Variants in MROH1 observed in about 807,000 individuals in gnomAD.
The protein encoded by MROH1 is maestro heat like repeat family member 1, also known as maestro heat-like repeat-containing protein family member 1.
In MROH1, 117 loss-of-function variants were observed where a neutral mutation model predicts 116.5. The observed-to-expected ratio is 1.00, with a 90% confidence interval of 0.86 to 1.17. MROH1 has a LOEUF of 1.17. MROH1 is among the 50% of genes most tolerant of loss of function. MROH1 has a pLI of 0.00. For synonymous variants in MROH1, 921 were observed against 583.9 expected (o/e 1.58, Z -8.32); for missense variants, 1,873 against 1,338.5 (o/e 1.40, Z -6.23).
At chr8:144,204,769 A>G (rs938393069) in intron 12 of MROH1, among the ~76,000 whole-genome samples, 1 of 152,214 alleles carries the variant, frequency 6.6e-6, no homozygotes. Context: ...TGAATTATCT[A>G]CTACAGTGAT....
At chr8:144,228,683 C>T (rs1418965401) in intron 14 of MROH1, among the ~76,000 whole-genome samples, 1 of 152,214 alleles carries the variant, frequency 6.6e-6, no homozygotes, top group Non-Finnish European at 1.5e-5. Flanking sequence ...AAGATGGTCG[C>T]AATCTCCTGA....
At chr8:144,155,859 G>A (rs994009387) in intron 1 of MROH1, among the ~76,000 whole-genome samples, 15 of 151,706 alleles carry the variant, frequency 9.9e-5, no homozygotes, top group African/African-American at 2.7e-4. Flanking sequence ...TCTCGAACTC[G>A]TGACCTCAAG....
intron 26 of MROH1, 136 bp from the exon 27 acceptor site, chr8:144,244,086 C>A: frequency 1.4e-6 from 1 of 701,082 alleles, no homozygotes. Flanking sequence ...TGTGCGCATG[C>A]TGCATGGGGT....
At position 144,258,901 on chromosome 8, in the gene MROH1, A is replaced by C; in HGVS notation, c.3916A>C (p.Thr1306Pro). 4 of 756,690 alleles carry C rather than the reference A, an allele frequency of 5.3e-6. No homozygotes were observed. The East Asian group carries it at 1.0e-4, about 19-fold the overall frequency. 46.9% of individuals were successfully genotyped at this position (756,690 alleles called of 1,614,324 possible). ...RTSAGHEEGA[T>P]RLARAMAEHA... ...CTCGGCGGGGCATGAGGAGGGGGCCACCAGGTTGGCCAGGTGAGCGGGCCC... is the reference window on the plus strand; with the variant it reads ...CTCGGCGGGGCATGAGGAGGGGGCCCCCAGGTTGGCCAGGTGAGCGGGCCC... Residue 1306 changes from threonine to proline, a missense_variant, in exon 36 of 44, where the codon ACC (threonine) becomes CCC (proline). Coordinates refer to ENST00000326134, the MANE Select transcript of MROH1 (RefSeq NM_032450.3).
intron 12 of MROH1, among the ~76,000 whole-genome samples, chr8:144,204,962 TA>T (rs1832504309): frequency 6.6e-6 from 1 of 152,232 alleles, no homozygotes; most frequent in Admixed American, 6.5e-5. Context: ...TAGCTGTTTA[TA>T]CCCCAATTTA....
intron 12 of MROH1, among the ~76,000 whole-genome samples, chr8:144,204,745 G>A (rs773830895): frequency 2.6e-5 from 4 of 152,112 alleles, no homozygotes; most frequent in African/African-American, 2.4e-5. Flanking sequence ...TTTCACTCCC[G>A]TGAAGGATTC....
chr8:144,258,511 C>G (rs1424600660), intron 35 of MROH1, among the ~76,000 whole-genome samples: 1 of 152,178 alleles, frequency 6.6e-6, no homozygotes, highest in Non-Finnish European at 1.5e-5. Context: ...TTGCCTGTGT[C>G]CAGCTCTCAG....
chr8:144,209,392 AAC>A (rs1272176095), intron 12 of MROH1, among the ~76,000 whole-genome samples: 1 of 151,626 alleles, frequency 6.6e-6, no homozygotes, highest in African/African-American at 2.4e-5. Flanking sequence ...CATCCTGGCT[AAC>A]ACAGTGAAAC....
At chr8:144,243,762 C>T in intron 25 of MROH1, 101 bp from the exon 26 acceptor site, 1 of 739,416 alleles carries the variant, frequency 1.4e-6, no homozygotes, top group South Asian at 1.4e-5. Context: ...GGGCTCTGCT[C>T]CTCGGGCCCC....
intron 34 of MROH1, 138 bp from the exon 35 acceptor site, chr8:144,255,371 C>T (rs939688727): frequency 7.5e-6 from 5 of 667,040 alleles, no homozygotes; most frequent in Non-Finnish European, 1.4e-5. Flanking sequence ...TGCGCCTCGC[C>T]CTTCCTGCGC....
intron 12 of MROH1, among the ~76,000 whole-genome samples, chr8:144,215,430 CAG>C (rs1451251264): frequency 1.3e-5 from 2 of 152,170 alleles, no homozygotes; most frequent in African/African-American, 4.8e-5. Flanking sequence ...TGTACAAAAT[CAG>C]AGTGATGTCT....
rs144568575 is a variant in MROH1 at position 144,161,953 on chromosome 8, G to A, written c.-57+864G>A. Among the ~76,000 whole-genome samples the A allele has an allele frequency of 6.6e-3, 999 of 152,298 alleles. 7 individuals are homozygous for A. Among genetic ancestry groups the A allele is most frequent in the African/African-American group, 0.023 (956 of 41,550 alleles). ...GATGCTCCACGTCAGGCGTGCCCTT[G>A]TCTCTGGGAAGTATGTGCTGTGGGC... On this transcript the variant is annotated intron_variant, in intron 2 of 43. Coordinates refer to ENST00000326134, the MANE Select transcript of MROH1 (RefSeq NM_032450.3).
chr8:144,236,463 G>A lies in MROH1; in HGVS notation c.1339-2293G>A, dbSNP rs1416488333. Among the ~76,000 whole-genome samples, 7 of 152,256 alleles carry A rather than the reference G, an allele frequency of 4.6e-5. No homozygotes were observed. In the East Asian group the frequency reaches 5.8e-4, roughly 13 times the overall value. On this transcript the variant is annotated intron_variant, in intron 14 of 43. Coordinates refer to ENST00000326134, the MANE Select transcript of MROH1 (RefSeq NM_032450.3). ...TTAAACATTTAGTCAGCATCAGGCC[G>A]GGTGCGGTGGCTCACGCCTGTAATC...
At chr8:144,196,717 A>G (rs772296277) in intron 10 of MROH1, among the ~76,000 whole-genome samples, 7 of 152,136 alleles carry the variant, frequency 4.6e-5, no homozygotes, top group Admixed American at 4.6e-4. Flanking sequence ...TGAGAATCCA[A>G]CTGTATCTTT....
chr8:144,218,861 A>T (rs1198740714), intron 12 of MROH1, among the ~76,000 whole-genome samples: 8 of 49,074 alleles, frequency 1.6e-4, no homozygotes, highest in Admixed American at 2.7e-4. Flanking sequence ...TTTTGACAGG[A>T]TCTTGCTCTG....
chr8:144,199,415 G>A (rs559204837), intron 11 of MROH1, among the ~76,000 whole-genome samples: 3 of 152,142 alleles, frequency 2.0e-5, no homozygotes, highest in African/African-American at 7.2e-5. Context: ...TCCGAGGAGC[G>A]TGCTGCTGAC....
chr8:144,255,806 G>A (rs1843633178), intron 35 of MROH1, 101 bp downstream of exon 35: 1 of 654,014 alleles, frequency 1.5e-6, no homozygotes, highest in African/African-American at 1.8e-5. Context: ...GAACCACGGG[G>A]AGTGTGGGAG....
At position 144,184,250 on chromosome 8, in the gene MROH1, ATGTT is replaced by A. The variant is rs1402127412; in HGVS notation, c.562+3730_562+3733del. ...GGTGGGGTGACCAGTGTCCTACTGA[ATGTT>A]TGCGTCCCAGTCAGGCTGCATGGCA... On this transcript the variant is annotated intron_variant, in intron 7 of 43. Transcript: ENST00000326134. 2.0e-5 allele frequency among the ~76,000 whole-genome samples: 3 copies of A among 152,184 alleles called. No homozygotes were observed. In the East Asian group the frequency reaches 5.8e-4, roughly 29 times the overall value.
Position 144,246,098 on chromosome 8 carries a change from C to A in MROH1, c.2871+838C>A, listed in dbSNP as rs1001373052. 5.1e-3 allele frequency among the ~76,000 whole-genome samples: 638 copies of A among 125,768 alleles called. 8 individuals are homozygous for A. The highest frequency in any genetic ancestry group is 0.019 in the African/African-American group (621 of 32,812). The allele number at this position is 125,768 out of a possible 152,430, so 82.5% of individuals were successfully genotyped here. A position where few individuals can be genotyped will look rare whatever the true frequency, so the allele number is the denominator to read the frequency against. The stretch of plus-strand genomic sequence containing the variant: ...TTTCCTTCCTTTCCTTCCTTTCCTT[C>A]CTTCCTTTCTTTCCTTTCTTTCCTT... On this transcript the variant is annotated intron_variant, in intron 29 of 43. Transcript: ENST00000326134.
Sources: allele counts gnomAD v4.1 joint callset (sites outside exome capture counted in the v4.1 genomes callset), GRCh38; gene constraint gnomAD v4.1.1; transcripts MANE v1.5; gene names NCBI Gene and HGNC (gene_info 2026-07-23, HGNC 2026-07-21).